The following ZNF131 variants were observed in gnomAD, a reference collection of about 807,000 sequenced individuals.
ZNF131 encodes the protein zinc finger protein 131.
ZNF131 carries 7 observed loss-of-function variants against 60.0 expected under a neutral mutation model. That is an observed-to-expected ratio of 0.12 (90% CI 0.07 to 0.22). The LOEUF (loss-of-function observed/expected upper bound fraction) is 0.22. Ranked by LOEUF, ZNF131 falls within the 10% of genes least tolerant of loss-of-function variation. The probability of loss-of-function intolerance (pLI) is 1.00; values close to 1 mark genes in which losing one functional copy is unlikely to be tolerated. For missense variants in ZNF131, 493 were observed against 740.9 expected (o/e 0.67, Z 3.88); for synonymous variants, 257 against 253.2 (o/e 1.01, Z -0.14).
chr5:43,145,002 A>G (rs761154940), intron 4 of ZNF131, among the ~76,000 whole-genome samples: 1 of 151,960 alleles, frequency 6.6e-6, no homozygotes, highest in Non-Finnish European at 1.5e-5. Flanking sequence ...TACATTTTCC[A>G]TTACAACAAT....
chr5:43,129,045 T>C (rs1744963245), intron 3 of ZNF131, among the ~76,000 whole-genome samples: 1 of 152,314 alleles, frequency 6.6e-6, no homozygotes, highest in East Asian at 1.9e-4. Flanking sequence ...GCAATTTTCA[T>C]GCCTCAGCCT....
At chr5:43,171,028 C>A (rs374905465) in intron 5 of ZNF131, among the ~76,000 whole-genome samples, 4 of 149,712 alleles carry the variant, frequency 2.7e-5, no homozygotes, top group African/African-American at 9.8e-5. Flanking sequence ...CACTGCAACC[C>A]CTGCCTCCTG....
At position 43,174,720 on chromosome 5, in the gene ZNF131, C is replaced by A; in HGVS notation, c.1459C>A (p.Gln487Lys). The A allele has an allele frequency of 6.2e-7, 1 of 1,614,150 alleles. No individual in the cohort carries two copies. Among genetic ancestry groups the A allele is most frequent in the South Asian group, 1.1e-5 (1 of 91,076 alleles). Residue 487 changes from glutamine (Q) to lysine (K), a missense_variant, in exon 7 of 7, where the codon CAG becomes AAG. By Grantham distance (53) the Gln-to-Lys change is moderately conservative (BLOSUM62 1). Transcript: ENST00000682664. ...GCATGTGCTACCATTGCTTCAGGTT[C>A]AGGTGGATTCAGCACAAGTGACTGT... ...KVHVLPLLQV[Q>K]VDSAQVTVEQ...
At chr5:43,159,944 A>G (rs1035957261) in intron 4 of ZNF131, among the ~76,000 whole-genome samples, 2 of 152,114 alleles carry the variant, frequency 1.3e-5, no homozygotes, top group African/African-American at 4.8e-5. Context: ...GGGGAGGCCA[A>G]GGCGGGCAGA....
At chr5:43,171,718 G>T (rs1751016159) in intron 5 of ZNF131, among the ~76,000 whole-genome samples, 1 of 152,216 alleles carries the variant, frequency 6.6e-6, no homozygotes, top group East Asian at 1.9e-4. Flanking sequence ...TGCCTCACCG[G>T]TTCAAGCAGT....
chr5:43,162,143 T>C (rs1013707863), intron 5 of ZNF131, among the ~76,000 whole-genome samples: 1 of 152,232 alleles, frequency 6.6e-6, no homozygotes, highest in Non-Finnish European at 1.5e-5. Flanking sequence ...ATTGTTACTT[T>C]TATGCCTTGC....
chr5:43,132,172 T>C (rs1745445754), intron 3 of ZNF131, among the ~76,000 whole-genome samples: 3 of 152,210 alleles, frequency 2.0e-5, no homozygotes. Flanking sequence ...TTTAAACTTT[T>C]GGCCAAAACT....
intron 5 of ZNF131, among the ~76,000 whole-genome samples, chr5:43,163,968 G>A (rs1750061399): frequency 6.6e-6 from 1 of 152,128 alleles, no homozygotes; most frequent in African/African-American, 2.4e-5. Context: ...GTCAGTATTC[G>A]AGGACTGAGT....
At chr5:43,162,910 GA>G (rs200731861) in intron 5 of ZNF131, among the ~76,000 whole-genome samples, 13,541 of 66,754 alleles carry the variant, frequency 0.2, 959 homozygotes, top group East Asian at 0.27. Flanking sequence ...TGTCTCAAGG[GA>G]AAAAAAAAAA....
Position 43,160,074 on chromosome 5 carries a change from G to A in ZNF131, c.372-1175G>A, listed in dbSNP as rs1225981213. Among the ~76,000 whole-genome samples the A allele has an allele frequency of 4.6e-5, 7 of 152,068 alleles. No homozygotes were observed. The East Asian group carries it at 1.2e-3, about 25-fold the overall frequency. On this transcript the variant is annotated intron_variant, in intron 4 of 6. Coordinates refer to ENST00000682664, the MANE Select transcript of ZNF131 (RefSeq NM_001330707.2). ...GCCTGTAGTCCCAGCTGCTTGGGAGGCTGAGGCAGGAGAATGGCGTGAACC... is the reference window on the plus strand; with the variant it reads ...GCCTGTAGTCCCAGCTGCTTGGGAGACTGAGGCAGGAGAATGGCGTGAACC...
intron 4 of ZNF131, 21 bp from the exon 5 acceptor site, chr5:43,161,228 C>T: frequency 6.4e-7 from 1 of 1,561,686 alleles, no homozygotes; most frequent in Non-Finnish European, 8.6e-7. Context: ...ATTTTTTAAA[C>T]CCCTACATTA....
chr5:43,161,946 C>A lies in ZNF131; in HGVS notation c.1054+15C>A. On this transcript the variant is annotated intron_variant, in intron 5 of 6. Coordinates refer to ENST00000682664, the MANE Select transcript of ZNF131 (RefSeq NM_001330707.2). ...AAAACATACAGGTAATGAGCAAATA[C>A]TTTGTTAAAATTTTTTTTTCCCACA... is the stretch of plus-strand genomic sequence containing the variant. 6.5e-7 allele frequency: 1 copy of A among 1,545,140 alleles called. No homozygotes were observed.
intron 5 of ZNF131, chr5:43,168,178 T>G (rs1750589134): frequency 4.3e-6 from 1 of 231,288 alleles, no homozygotes; most frequent in African/African-American, 2.3e-5. Context: ...TATCACCTCT[T>G]AAAGGTCCTA....
rs761656593 is a variant in ZNF131 at position 43,175,023 on chromosome 5, G to A, written c.1762G>A (p.Ala588Thr). The A allele has an allele frequency of 1.2e-6, 2 of 1,614,148 alleles. No individual in the cohort carries two copies. Among genetic ancestry groups the A allele is most frequent in the Non-Finnish European group, 1.7e-6 (2 of 1,180,012 alleles). ...ESSQADAAEA[A>T]REDHEDAEDL... is the part of the protein sequence containing the mutation. ...TAGCCAAGCAGATGCTGCTGAGGCT[G>A]CCAGGGAAGATCACGAAGATGCTGA... The change falls in exon 7 of 7, where the codon GCC (alanine) becomes ACC (threonine). Residue 588 changes from alanine to threonine, a missense_variant. By Grantham distance (58) the Ala-to-Thr change is moderately conservative. Coordinates refer to ENST00000682664, the MANE Select transcript of ZNF131 (RefSeq NM_001330707.2).
intron 4 of ZNF131, among the ~76,000 whole-genome samples, chr5:43,151,907 A>G (rs1057232092): frequency 6.6e-6 from 1 of 152,168 alleles, no homozygotes; most frequent in Non-Finnish European, 1.5e-5. Context: ...ATAGCCTCCA[A>G]TGTAGTCTCC....
At chr5:43,174,176 C>G (rs1346537726) in intron 6 of ZNF131, among the ~76,000 whole-genome samples, 3 of 152,264 alleles carry the variant, frequency 2.0e-5, no homozygotes, top group South Asian at 2.1e-4. Context: ...TGCAGTGAGC[C>G]GAGATCGCAC....
chr5:43,155,465 C>T (rs965104642), intron 4 of ZNF131, among the ~76,000 whole-genome samples: 2 of 152,152 alleles, frequency 1.3e-5, no homozygotes, highest in Admixed American at 6.5e-5. Flanking sequence ...GAGGCTGCCT[C>T]CTTTTGCCAG....
At chr5:43,144,473 A>G (rs972598193) in intron 4 of ZNF131, among the ~76,000 whole-genome samples, 2 of 151,700 alleles carry the variant, frequency 1.3e-5, no homozygotes, top group African/African-American at 2.4e-5. Flanking sequence ...CAGGTGATCC[A>G]CCTGCCTTGA....
chr5:43,153,446 T>TGA (rs921311480), intron 4 of ZNF131, among the ~76,000 whole-genome samples: 3 of 119,052 alleles, frequency 2.5e-5, no homozygotes, highest in Admixed American at 1.1e-4. Flanking sequence ...ACCAACATGG[T>TGA]GAACTCCCAT....
Sources: gnomAD v4.1 joint callset for allele counts (sites outside exome capture counted in the v4.1 genomes callset) on GRCh38, gnomAD v4.1.1 for gene constraint, MANE v1.5 for transcripts, NCBI Gene and HGNC (gene_info 2026-07-23, HGNC 2026-07-21) for gene names.